The following RAI2 variants were observed in gnomAD, a reference collection of about 807,000 sequenced individuals.
The protein encoded by RAI2 is retinoic acid induced 2.
RAI2 carries 5 observed loss-of-function variants against 15.3 expected under a neutral mutation model. That is an observed-to-expected ratio of 0.33 (90% CI 0.17 to 0.69). The LOEUF (loss-of-function observed/expected upper bound fraction) is 0.69. Among genes scored for constraint, RAI2 ranks in the 30% least tolerant of loss-of-function variants. The pLI, the probability that RAI2 is intolerant of heterozygous loss-of-function variation, is 0.69. For synonymous variants in RAI2, 191 were observed against 184.0 expected (o/e 1.04, Z -0.31); for missense variants, 424 against 424.7 (o/e 1.00, Z 0.01).
chrX:17,821,589 C>CGA (rs2067165475), intron 1 of RAI2, among the ~76,000 whole-genome samples: 1 of 109,615 alleles, frequency 9.1e-6, no homozygotes. Context: ...AGAGAGACCG[C>CGA]GAGAGAGAGA....
chrX:17,832,397 G>A (rs1024047133), intron 1 of RAI2, among the ~76,000 whole-genome samples: 2 of 111,897 alleles, frequency 1.8e-5, no homozygotes, highest in African/African-American at 6.5e-5. Context: ...TGTCGCACCT[G>A]TACATACAGC....
chrX:17,818,506 G>A (rs2067129628), intron 1 of RAI2, among the ~76,000 whole-genome samples: 1 of 3,482 alleles, frequency 2.9e-4, no homozygotes, highest in African/African-American at 1.1e-3. Flanking sequence ...TGCTAGAAAT[G>A]TGTGTTTTTT....
intron 1 of RAI2, among the ~76,000 whole-genome samples, chrX:17,816,381 T>C (rs1490944225): frequency 8.9e-6 from 1 of 111,762 alleles, no homozygotes; most frequent in Non-Finnish European, 1.9e-5. Context: ...CTGGAGGAGA[T>C]GGAAGAGAGA....
chrX:17,846,037 C>T (rs1307223191), intron 1 of RAI2, among the ~76,000 whole-genome samples: 1 of 111,615 alleles, frequency 9.0e-6, no homozygotes, highest in Non-Finnish European at 1.9e-5. Flanking sequence ...GTAAGGATCT[C>T]AGGCTCCTAT....
chrX:17,800,293 C>T lies in RAI2; in HGVS notation c.*125G>A, dbSNP rs757073778. The T allele has an allele frequency of 1.2e-4, 112 of 958,604 alleles. No homozygotes were observed. The South Asian group carries it at 2.7e-3, about 23-fold the overall frequency. 79.0% of individuals were successfully genotyped at this position (958,604 alleles called of 1,213,427 possible). On this transcript the variant is annotated 3_prime_UTR_variant, in exon 2 of 2. Transcript: ENST00000451717. ...GCATACAGGGCCTCTAGAGCCAATT[C>T]ACCTTTCCATTTCCCAACTACTCCC...
chrX:17,860,481 G>A (rs1204558790), intron 1 of RAI2: 1 of 112,748 alleles, frequency 8.9e-6, no homozygotes, highest in African/African-American at 3.2e-5. Flanking sequence ...GGGGCACCGG[G>A]GCTCCCGGGG....
chrX:17,832,542 T>C (rs1018312889), intron 1 of RAI2, among the ~76,000 whole-genome samples: 5 of 112,056 alleles, frequency 4.5e-5, no homozygotes, highest in Non-Finnish European at 9.4e-5. Context: ...GAGGCAATAA[T>C]GGTTACTTTA....
chrX:17,855,071 C>G (rs2067584357), intron 1 of RAI2, among the ~76,000 whole-genome samples: 1 of 112,279 alleles, frequency 8.9e-6, no homozygotes, highest in African/African-American at 3.2e-5. Context: ...TCCCTGAACT[C>G]TCCTTTGGCC....
At chrX:17,802,432 A>C (rs1448919497) in intron 1 of RAI2, among the ~76,000 whole-genome samples, 1 of 112,831 alleles carries the variant, frequency 8.9e-6, no homozygotes, top group East Asian at 2.8e-4. Flanking sequence ...TCAAATAAGC[A>C]GTGAAGACTT....
intron 1 of RAI2, among the ~76,000 whole-genome samples, chrX:17,813,683 T>C (rs1273647007): frequency 1.8e-5 from 2 of 111,559 alleles, no homozygotes; most frequent in African/African-American, 6.5e-5. Context: ...CAAACACTTA[T>C]TGCTCACCCA....
At chrX:17,803,552 A>G (rs2066944560) in intron 1 of RAI2, among the ~76,000 whole-genome samples, 1 of 111,485 alleles carries the variant, frequency 9.0e-6, no homozygotes, top group Admixed American at 9.5e-5. Context: ...AAGAAAAGAA[A>G]AGAAATAAGC....
intron 1 of RAI2, among the ~76,000 whole-genome samples, chrX:17,847,756 T>C (rs947946407): frequency 2.9e-4 from 32 of 112,174 alleles, no homozygotes; most frequent in Non-Finnish European, 6.0e-4. Flanking sequence ...AGTATCCATA[T>C]GGATGGGGGA....
intron 1 of RAI2, among the ~76,000 whole-genome samples, chrX:17,806,549 C>T (rs2066983434): frequency 9.1e-6 from 1 of 110,208 alleles, no homozygotes; most frequent in Admixed American, 9.7e-5. Flanking sequence ...GTTGCTAGGG[C>T]CTCACCCCCA....
intron 1 of RAI2, among the ~76,000 whole-genome samples, chrX:17,851,967 C>T (rs1303361417): frequency 3.6e-5 from 4 of 112,003 alleles, no homozygotes. Context: ...TGAGGAACAA[C>T]ATACCACTCA....
chrX:17,828,686 A>G (rs2067251539), intron 1 of RAI2, among the ~76,000 whole-genome samples: 2 of 111,652 alleles, frequency 1.8e-5, no homozygotes, highest in Admixed American at 1.9e-4. Context: ...AGAATTTAGA[A>G]TGCTCTTTAT....
chrX:17,841,088 T>A (rs1171333492), intron 1 of RAI2, among the ~76,000 whole-genome samples: 4 of 111,420 alleles, frequency 3.6e-5, no homozygotes, highest in Admixed American at 1.9e-4. Flanking sequence ...AGCTTTTTTT[T>A]TTATTATTTT....
chrX:17,860,946 G>A (rs1349889965), intron 1 of RAI2, among the ~76,000 whole-genome samples, 152 bp downstream of exon 1: 2 of 104,691 alleles, frequency 1.9e-5, no homozygotes, highest in African/African-American at 6.7e-5. Context: ...CCGGCCTCCG[G>A]GCGCCGTCCT....
At chrX:17,835,235 T>C (rs1454844554) in intron 1 of RAI2, among the ~76,000 whole-genome samples, 1 of 112,383 alleles carries the variant, frequency 8.9e-6, no homozygotes, top group Non-Finnish European at 1.9e-5. Flanking sequence ...ATGCTTCTAA[T>C]TCTGCAATCA....
intron 1 of RAI2, among the ~76,000 whole-genome samples, chrX:17,836,020 A>C (rs1229200478): frequency 8.9e-6 from 1 of 112,066 alleles, no homozygotes; most frequent in Non-Finnish European, 1.9e-5. Flanking sequence ...TTTTATGATA[A>C]GCCATTTTCC....
Sources: gnomAD v4.1 joint callset for allele counts (sites outside exome capture counted in the v4.1 genomes callset) on GRCh38, gnomAD v4.1.1 for gene constraint, MANE v1.5 for transcripts, NCBI Gene and HGNC (gene_info 2026-07-23, HGNC 2026-07-21) for gene names.